Variants in PHKB observed in about 807,000 individuals in gnomAD.
The protein encoded by PHKB is phosphorylase kinase regulatory subunit beta.
A neutral mutation model predicts 152.1 loss-of-function variants in PHKB; 122 were observed. That is an observed-to-expected ratio of 0.80 (90% CI 0.69 to 0.93). PHKB has a LOEUF of 0.93. Among genes scored for constraint, PHKB ranks in the 40% least tolerant of loss-of-function variants. PHKB has a pLI of 0.00. For missense variants in PHKB, 1,304 were observed against 1,328.4 expected, an observed-to-expected ratio of 0.98 and a Z score of 0.29; for synonymous variants, 436 against 464.9, an observed-to-expected ratio of 0.94 and a Z score of 0.80.
rs187401453 is a variant in PHKB at position 47,600,505 on chromosome 16, G to A, written c.1363+3974G>A. Among the ~76,000 whole-genome samples the A allele has an allele frequency of 3.7e-4, 56 of 152,286 alleles. No individual in the cohort carries two copies. In the East Asian group the frequency reaches 0.011, roughly 29 times the overall value. On this transcript the variant is annotated intron_variant, in intron 13 of 30. Transcript: ENST00000323584. ...ATGTAAGACCAGTCTAAAGAAAGCAGAGTACCTTTTTGAGCTATTTGCAAA... is the reference window on the plus strand; with the variant it reads ...ATGTAAGACCAGTCTAAAGAAAGCAAAGTACCTTTTTGAGCTATTTGCAAA...
intron 6 of PHKB, among the ~76,000 whole-genome samples, chr16:47,540,984 C>A (rs79820055): frequency 1.3e-5 from 2 of 151,696 alleles, no homozygotes; most frequent in African/African-American, 4.8e-5. Flanking sequence ...TACATCACCA[C>A]GCCTGGCTAA....
chr16:47,597,142 A>G (rs1435801114), intron 13 of PHKB, among the ~76,000 whole-genome samples: 6 of 152,200 alleles, frequency 3.9e-5, no homozygotes, highest in Non-Finnish European at 2.9e-5. Flanking sequence ...CAAATTTTAA[A>G]TGTTGTTAGC....
At chr16:47,575,263 TA>T (rs1971730507) in intron 7 of PHKB, among the ~76,000 whole-genome samples, 1 of 152,176 alleles carries the variant, frequency 6.6e-6, no homozygotes, top group Non-Finnish European at 1.5e-5. Context: ...GAATGTAAAT[TA>T]ACACAACCTC....
At chr16:47,544,747 A>T (rs1217249655) in intron 6 of PHKB, among the ~76,000 whole-genome samples, 1 of 152,054 alleles carries the variant, frequency 6.6e-6, no homozygotes, top group African/African-American at 2.4e-5. Context: ...GTCTCTAAGG[A>T]CTTGCTTTAT....
intron 1 of PHKB, among the ~76,000 whole-genome samples, chr16:47,479,159 G>A (rs1969921303): frequency 1.3e-5 from 2 of 152,178 alleles, no homozygotes; most frequent in Admixed American, 6.5e-5. Flanking sequence ...TTTTAGGGCC[G>A]AGGCTGGATG....
intron 1 of PHKB, among the ~76,000 whole-genome samples, chr16:47,473,882 TAA>T: frequency 6.6e-6 from 1 of 152,332 alleles, no homozygotes; most frequent in Admixed American, 6.5e-5. Context: ...TGAAAACATT[TAA>T]AGTCTACTCT....
chr16:47,579,497 T>TGA (rs1971806542), intron 7 of PHKB, among the ~76,000 whole-genome samples: 1 of 152,194 alleles, frequency 6.6e-6, no homozygotes, highest in Non-Finnish European at 1.5e-5. Flanking sequence ...GCTGAATAGA[T>TGA]GACAGATCAT....
chr16:47,646,561 T>TAAAAAAAAAATAAAAAAAAAAAAA (rs1456479779), intron 16 of PHKB, among the ~76,000 whole-genome samples: 2 of 104,668 alleles, frequency 1.9e-5, no homozygotes, highest in African/African-American at 4.1e-5. Flanking sequence ...AAATAAAAAA[T>TAAAAAAAAAATAAAAAAAAAAAAA]AAAAAAATAA....
At chr16:47,466,225 G>A (rs961888301) in intron 1 of PHKB, among the ~76,000 whole-genome samples, 2 of 152,106 alleles carry the variant, frequency 1.3e-5, no homozygotes, top group African/African-American at 2.4e-5. Flanking sequence ...AGATATTCAG[G>A]TTTTTCTTTA....
chr16:47,562,265 T>C (rs1351612367), intron 7 of PHKB: 2 of 152,280 alleles, frequency 1.3e-5, no homozygotes, highest in Non-Finnish European at 2.9e-5. Flanking sequence ...GAGCCCAAAA[T>C]GTGGCCACGA....
chr16:47,509,349 C>T lies in PHKB; in HGVS notation c.406-2316C>T, dbSNP rs1201983781. On this transcript the variant is annotated intron_variant, in intron 4 of 30. Transcript: ENST00000323584. ...AGAGAACTTACATCCCTAACTGTAC[C>T]CATTCTCTAGGTCCTGATTACATAC... Among the ~76,000 whole-genome samples, 6 of 152,148 alleles carry T rather than the reference C, an allele frequency of 3.9e-5. No homozygotes were observed. In the South Asian group the frequency reaches 1.2e-3, roughly 32 times the overall value.
chr16:47,539,249 A>G (rs571748335), intron 6 of PHKB, among the ~76,000 whole-genome samples: 35 of 152,294 alleles, frequency 2.3e-4, no homozygotes, highest in African/African-American at 7.0e-4. Context: ...GTTTATAACA[A>G]TGTACCTGTA....
chr16:47,668,844 G>T (rs1973585826), intron 25 of PHKB, among the ~76,000 whole-genome samples: 1 of 152,234 alleles, frequency 6.6e-6, no homozygotes, highest in Non-Finnish European at 1.5e-5. Flanking sequence ...ACCAAATTGT[G>T]TAGACTGCAG....
At chr16:47,643,475 G>A (rs1973061966) in intron 16 of PHKB, among the ~76,000 whole-genome samples, 1 of 152,196 alleles carries the variant, frequency 6.6e-6, no homozygotes, top group Admixed American at 6.5e-5. Flanking sequence ...TTTAAAAATG[G>A]TGTTAACAAA....
chr16:47,542,220 A>G (rs936336179), intron 6 of PHKB, among the ~76,000 whole-genome samples: 2 of 152,126 alleles, frequency 1.3e-5, no homozygotes, highest in East Asian at 1.9e-4. Context: ...CTTTCTGCGT[A>G]TGGCTAGCCA....
At chr16:47,580,488 A>C (rs970806839) in intron 8 of PHKB, 130 bp downstream of exon 8, 16 of 640,788 alleles carry the variant, frequency 2.5e-5, no homozygotes, top group Admixed American at 2.1e-4. Context: ...TCATGCTTGA[A>C]CTTTTCCTTT....
intron 14 of PHKB, among the ~76,000 whole-genome samples, chr16:47,637,488 C>T (rs1972942354): frequency 6.6e-6 from 1 of 152,136 alleles, no homozygotes; most frequent in Admixed American, 6.5e-5. Flanking sequence ...GTAAAAGGCT[C>T]CACCAGCCAC....
chr16:47,639,923 C>T (rs1185187265), intron 14 of PHKB, among the ~76,000 whole-genome samples: 1 of 152,078 alleles, frequency 6.6e-6, no homozygotes, highest in East Asian at 1.9e-4. Flanking sequence ...TTTTCTCACC[C>T]TTTTGGAAAA....
At chr16:47,533,304 G>T (rs1335547847) in intron 6 of PHKB, among the ~76,000 whole-genome samples, 1 of 152,160 alleles carries the variant, frequency 6.6e-6, no homozygotes, top group African/African-American at 2.4e-5. Context: ...CTCAAAAAAG[G>T]CACCACACGT....
Sources: allele counts gnomAD v4.1 joint callset (sites outside exome capture counted in the v4.1 genomes callset), GRCh38; gene constraint gnomAD v4.1.1; transcripts MANE v1.5; gene names NCBI Gene and HGNC (gene_info 2026-07-23, HGNC 2026-07-21).